Variants in ACVR1 observed in about 807,000 individuals in gnomAD.
ACVR1 encodes activin receptor type-1.
A neutral mutation model predicts 57.1 loss-of-function variants in ACVR1; 38 were observed. The ratio of observed to expected loss-of-function variants is 0.67; its 90% confidence interval spans 0.51 to 0.87. The LOEUF (loss-of-function observed/expected upper bound fraction) is 0.87, where lower values mean the gene tolerates loss of function less well. Ranked by LOEUF, ACVR1 falls within the 40% of genes least tolerant of loss-of-function variation. ACVR1 has a pLI of 0.00. For synonymous variants in ACVR1, 212 were observed against 228.1 expected, an observed-to-expected ratio of 0.93 and a Z score of 0.63; for missense variants, 463 against 638.2, an observed-to-expected ratio of 0.73 and a Z score of 2.96.
intron 1 of ACVR1, among the ~76,000 whole-genome samples, chr2:157,855,321 T>TACACACACACACAC (rs752485468): frequency 9.1e-6 from 1 of 109,358 alleles, no homozygotes; most frequent in Non-Finnish European, 1.8e-5. Flanking sequence ...TATATATATA[T>TACACACACACACAC]ATACACACAC....
chr2:157,748,983 C>G (rs1288453125), intron 9 of ACVR1, among the ~76,000 whole-genome samples: 1 of 152,174 alleles, frequency 6.6e-6, no homozygotes, highest in African/African-American at 2.4e-5. Context: ...TCCAATGGGT[C>G]ACAGGAGGCT....
At chr2:157,788,807 A>G (rs2105291999) in intron 3 of ACVR1, among the ~76,000 whole-genome samples, 1 of 151,782 alleles carries the variant, frequency 6.6e-6, no homozygotes, top group Admixed American at 6.6e-5. Flanking sequence ...ATAACAGTCA[A>G]AAGGGTAAAA....
chr2:157,777,475 T>G (rs1404724029), intron 5 of ACVR1, among the ~76,000 whole-genome samples: 1 of 152,250 alleles, frequency 6.6e-6, no homozygotes, highest in African/African-American at 2.4e-5. Flanking sequence ...AAAGATGGTA[T>G]GTATTTGGTT....
chr2:157,754,187 C>T (rs1169747965), intron 9 of ACVR1, among the ~76,000 whole-genome samples: 1 of 152,014 alleles, frequency 6.6e-6, no homozygotes, highest in Non-Finnish European at 1.5e-5. Context: ...CAACCTAAGG[C>T]CACACCTCAA....
chr2:157,817,915 T>C (rs549794178), intron 2 of ACVR1, among the ~76,000 whole-genome samples: 107 of 151,478 alleles, frequency 7.1e-4, no homozygotes, highest in Middle Eastern at 3.4e-3. Context: ...GGCAGGAGAA[T>C]TGCGTGACCC....
chr2:157,846,090 A>C (rs1424794964), intron 1 of ACVR1, among the ~76,000 whole-genome samples: 1 of 152,170 alleles, frequency 6.6e-6, no homozygotes, highest in Non-Finnish European at 1.5e-5. Context: ...TTTTGAGATG[A>C]GGCGATTATC....
At chr2:157,858,573 G>A (rs993367961) in intron 1 of ACVR1, among the ~76,000 whole-genome samples, 3 of 152,156 alleles carry the variant, frequency 2.0e-5, no homozygotes, top group African/African-American at 7.2e-5. Flanking sequence ...GAGGGTTCAA[G>A]AGATTCTCCT....
At chr2:157,850,949 T>C (rs1231423563) in intron 1 of ACVR1, among the ~76,000 whole-genome samples, 2 of 152,094 alleles carry the variant, frequency 1.3e-5, no homozygotes, top group African/African-American at 4.8e-5. Context: ...AGAGTAAGAC[T>C]GTGTCTCCAA....
chr2:157,853,208 TA>T, intron 1 of ACVR1, among the ~76,000 whole-genome samples: 1 of 152,314 alleles, frequency 6.6e-6, no homozygotes, highest in South Asian at 2.1e-4. Context: ...GCTGCCATAA[TA>T]AAACATCATA....
chr2:157,846,445 T>C (rs1303041193), intron 1 of ACVR1, among the ~76,000 whole-genome samples: 2 of 152,220 alleles, frequency 1.3e-5, no homozygotes, highest in Non-Finnish European at 2.9e-5. Context: ...CTTTTCCCCT[T>C]GGCTCACTCA....
At position 157,857,060 on chromosome 2, in the gene ACVR1, G is replaced by A. The variant is rs1337887748; in HGVS notation, c.-183+18736C>T. Reference sequence around the variant, plus strand: ...TAAAAAATACAAAAATTAGCCAGGTGTGGTGGTACGCACTGTAGTCTCAGC... The same window carrying A: ...TAAAAAATACAAAAATTAGCCAGGTATGGTGGTACGCACTGTAGTCTCAGC... On this transcript the variant is annotated intron_variant, in intron 1 of 10. Coordinates refer to ENST00000434821, the MANE Select transcript of ACVR1 (RefSeq NM_001111067.4). Among the ~76,000 whole-genome samples, 3 of 152,200 alleles carry A rather than the reference G, an allele frequency of 2.0e-5. No individual in the cohort carries two copies. The East Asian group carries it at 5.8e-4, about 29-fold the overall frequency.
At chr2:157,824,755 TTC>T (rs1043476400) in intron 1 of ACVR1, among the ~76,000 whole-genome samples, 1 of 151,950 alleles carries the variant, frequency 6.6e-6, no homozygotes, top group Non-Finnish European at 1.5e-5. Flanking sequence ...ACTCACTCCT[TTC>T]TCTTTTTTTT....
chr2:157,855,307 TG>T, intron 1 of ACVR1, among the ~76,000 whole-genome samples: 1 of 53,134 alleles, frequency 1.9e-5, no homozygotes. Flanking sequence ...TGTGTGTGTG[TG>T]TATATATATA....
At chr2:157,751,740 G>A (rs1013818727) in intron 9 of ACVR1, among the ~76,000 whole-genome samples, 66 of 152,116 alleles carry the variant, frequency 4.3e-4, no homozygotes, top group African/African-American at 1.4e-3. Context: ...ATAATGCTGG[G>A]AACATAACTC....
intron 2 of ACVR1, among the ~76,000 whole-genome samples, chr2:157,814,786 T>C (rs1965812): frequency 0.84 from 127,155 of 152,164 alleles, 53,139 homozygotes; most frequent in Middle Eastern, 0.88. Context: ...TACCAGGTAT[T>C]TACTAAAAAT....
chr2:157,737,468 C>T lies in ACVR1; in HGVS notation c.*63G>A. The T allele has an allele frequency of 3.8e-6, 6 of 1,596,300 alleles. No homozygotes were observed. The South Asian group carries it at 5.6e-5, about 15-fold the overall frequency. Reference sequence around the variant, plus strand: ...CCATTCTGACAACCAGTCAGGCCAGCATTAGGTCCCAGCTGGACAATGACA... The same window carrying T: ...CCATTCTGACAACCAGTCAGGCCAGTATTAGGTCCCAGCTGGACAATGACA... On this transcript the variant is annotated 3_prime_UTR_variant, in exon 11 of 11. Coordinates refer to ENST00000434821, the MANE Select transcript of ACVR1 (RefSeq NM_001111067.4).
intron 1 of ACVR1, among the ~76,000 whole-genome samples, chr2:157,819,741 G>A (rs901118482): frequency 3.5e-5 from 5 of 142,176 alleles, no homozygotes; most frequent in African/African-American, 1.3e-4. Context: ...AAGGGAAGAG[G>A]AGGGGAGGCT....
intron 1 of ACVR1, among the ~76,000 whole-genome samples, chr2:157,842,723 T>C (rs1238746024): frequency 1.3e-5 from 2 of 152,232 alleles, no homozygotes; most frequent in Non-Finnish European, 2.9e-5. Context: ...ATTTCTAGCA[T>C]TTTATGTTCC....
At position 157,826,943 on chromosome 2, in the gene ACVR1, AAC is replaced by A. The variant is rs1188162462; in HGVS notation, c.-182-8386_-182-8385del. On this transcript the variant is annotated intron_variant, in intron 1 of 10. Coordinates refer to ENST00000434821, the MANE Select transcript of ACVR1 (RefSeq NM_001111067.4). Reference sequence around the variant, plus strand: ...AGGAAGGGAAAGAAAGAAAGAGAGAAACAGAGAGAAAGAGAAAGAAAGAAAAA... The same window carrying A: ...AGGAAGGGAAAGAAAGAAAGAGAGAAAGAGAGAAAGAGAAAGAAAGAAAAA... Among the ~76,000 whole-genome samples the A allele has an allele frequency of 4.6e-5, 7 of 150,734 alleles. No individual in the cohort carries two copies. The East Asian group carries it at 1.4e-3, about 30-fold the overall frequency.
Sources: allele counts gnomAD v4.1 joint callset (sites outside exome capture counted in the v4.1 genomes callset), GRCh38; gene constraint gnomAD v4.1.1; transcripts MANE v1.5; gene names NCBI Gene and HGNC (gene_info 2026-07-23, HGNC 2026-07-21).